PDE1C: variants seen among roughly 807,000 people sequenced by gnomAD.
The protein encoded by PDE1C is phosphodiesterase 1C.
In PDE1C, 62 loss-of-function variants were observed where a neutral mutation model predicts 93.1. The ratio of observed to expected loss-of-function variants is 0.67; its 90% confidence interval spans 0.54 to 0.82. PDE1C has a LOEUF of 0.82. PDE1C is among the 40% of genes least tolerant of loss of function. The probability of loss-of-function intolerance (pLI) is 0.00; values close to 1 mark genes in which losing one functional copy is unlikely to be tolerated. For synonymous variants in PDE1C, 325 were observed against 310.1 expected, an observed-to-expected ratio of 1.05 and a Z score of -0.50; for missense variants, 742 against 884.6, an observed-to-expected ratio of 0.84 and a Z score of 2.04.
At chr7:31,916,326 T>C (rs1264294418) in intron 2 of PDE1C, among the ~76,000 whole-genome samples, 2 of 152,180 alleles carry the variant, frequency 1.3e-5, no homozygotes, top group East Asian at 1.9e-4. Context: ...CTGTAAGTGA[T>C]TGTCAAATAA....
chr7:32,177,666 G>A (rs899254178), intron 2 of PDE1C, among the ~76,000 whole-genome samples: 4 of 152,010 alleles, frequency 2.6e-5, no homozygotes, highest in Non-Finnish European at 5.9e-5. Flanking sequence ...ACCCTGCCTC[G>A]CTCACTGCTT....
intron 1 of PDE1C, among the ~76,000 whole-genome samples, chr7:32,384,361 A>G (rs1263980847): frequency 6.6e-6 from 1 of 152,232 alleles, no homozygotes; most frequent in Non-Finnish European, 1.5e-5. Context: ...ATATTTTGAG[A>G]AAGTAAACAT....
In PDE1C at chr7:31,846,130, A is replaced by G. The variant is rs1449766028; in HGVS notation, c.980+1838T>C. Among the ~76,000 whole-genome samples, 4 of 152,106 alleles carry G rather than the reference A, an allele frequency of 2.6e-5. No homozygotes were observed. In the East Asian group the frequency reaches 7.7e-4, roughly 29 times the overall value. On this transcript the variant is annotated intron_variant, in intron 9 of 17. Transcript: ENST00000396191. ...CGTGTATAATCCTGGCTTCCTGACAATCTAGTAAAGTGTTCTAAAGCTTGC... is the reference window on the plus strand; with the variant it reads ...CGTGTATAATCCTGGCTTCCTGACAGTCTAGTAAAGTGTTCTAAAGCTTGC...
At chr7:31,649,198 T>C in the PDE1C span, among the ~76,000 whole-genome samples, 1 of 152,238 alleles carries the variant, frequency 6.6e-6, no homozygotes, top group African/African-American at 2.4e-5. Context: ...GTTTTCAATA[T>C]AAAAACATTA....
At chr7:32,332,918 C>T (rs991612061) in intron 1 of PDE1C, among the ~76,000 whole-genome samples, 1 of 152,074 alleles carries the variant, frequency 6.6e-6, no homozygotes, top group Admixed American at 6.6e-5. Context: ...GGAGGTTTCT[C>T]GGATGCCAAC....
intron 1 of PDE1C, among the ~76,000 whole-genome samples, chr7:32,349,787 A>G (rs34532910): frequency 0.17 from 25,479 of 151,782 alleles, 2,718 homozygotes; most frequent in South Asian, 0.44. Context: ...ATGCCACCAC[A>G]CCCAGCTAAT....
intron 2 of PDE1C, among the ~76,000 whole-genome samples, chr7:31,896,181 C>A (rs1799308876): frequency 6.6e-6 from 1 of 152,052 alleles, no homozygotes; most frequent in Admixed American, 6.6e-5. Flanking sequence ...TAGTGGCAGG[C>A]AGGGCATAGT....
chr7:31,684,014 G>A, the PDE1C span, among the ~76,000 whole-genome samples: 2 of 152,190 alleles, frequency 1.3e-5, no homozygotes, highest in Non-Finnish European at 2.9e-5. Context: ...TGGGAGCGCT[G>A]TAGGCTGAGG....
chr7:31,750,668 T>C (rs1390752011), downstream of PDE1C, among the ~76,000 whole-genome samples: 1 of 152,352 alleles, frequency 6.6e-6, no homozygotes, highest in Non-Finnish European at 1.5e-5. Context: ...CAAAAGGCAG[T>C]GTCAGGATTT....
intron 17 of PDE1C, among the ~76,000 whole-genome samples, chr7:31,769,506 T>C (rs746419305): frequency 9.2e-5 from 14 of 152,232 alleles, no homozygotes; most frequent in Non-Finnish European, 1.8e-4. Flanking sequence ...TGTTGAAATA[T>C]TGCTTTCCCA....
At chr7:31,779,685 G>T (rs1783255398) in intron 16 of PDE1C, among the ~76,000 whole-genome samples, 1 of 152,112 alleles carries the variant, frequency 6.6e-6, no homozygotes, top group South Asian at 2.1e-4. Flanking sequence ...AACTGGTTTT[G>T]ATTTTGCCAC....
intron 16 of PDE1C, among the ~76,000 whole-genome samples, chr7:31,794,025 TAGATAGATAGATAGATAGAC>T (rs1375713043): frequency 0.02 from 2,235 of 111,308 alleles, 33 homozygotes; most frequent in South Asian, 0.092. Context: ...GATAGATAGA[TAGATAGATAGATAGATAGAC>T]AGACAGACAG....
At chr7:31,629,718 G>A in the PDE1C span, among the ~76,000 whole-genome samples, 9 of 152,136 alleles carry the variant, frequency 5.9e-5, no homozygotes, top group Non-Finnish European at 1.0e-4. Flanking sequence ...TAGTGGAGGT[G>A]CATAGTTGTA....
intron 16 of PDE1C, among the ~76,000 whole-genome samples, chr7:31,803,405 A>C (rs548041174): frequency 0.011 from 1,676 of 149,930 alleles, 29 homozygotes; most frequent in African/African-American, 0.037. Flanking sequence ...TCTTTTTATT[A>C]TTATTATTAT....
the PDE1C span, among the ~76,000 whole-genome samples, chr7:31,680,287 G>T: frequency 6.6e-5 from 10 of 152,130 alleles, no homozygotes; most frequent in Non-Finnish European, 1.5e-5. Flanking sequence ...AATCAGCTTG[G>T]TTTTCATGAG....
intron 2 of PDE1C, among the ~76,000 whole-genome samples, chr7:31,890,328 C>T (rs914651396): frequency 1.3e-5 from 2 of 152,196 alleles, no homozygotes; most frequent in Non-Finnish European, 2.9e-5. Context: ...GCCACTTCAA[C>T]ATCTGTCTTA....
At chr7:31,926,359 G>T (rs1444870444) in intron 2 of PDE1C, among the ~76,000 whole-genome samples, 1 of 152,194 alleles carries the variant, frequency 6.6e-6, no homozygotes, top group Admixed American at 6.5e-5. Flanking sequence ...TCCTCACCCA[G>T]ATCCTAGCAC....
chr7:31,781,939 A>T (rs1019678511), intron 16 of PDE1C, among the ~76,000 whole-genome samples: 2 of 152,144 alleles, frequency 1.3e-5, no homozygotes, highest in Non-Finnish European at 2.9e-5. Flanking sequence ...TGTGCTTTGA[A>T]CTTGAATTGG....
At chr7:31,678,898 T>G in the PDE1C span, among the ~76,000 whole-genome samples, 2 of 152,142 alleles carry the variant, frequency 1.3e-5, no homozygotes, top group Non-Finnish European at 2.9e-5. Flanking sequence ...AAGTGAGCCT[T>G]GATTCTTGTT....
Sources: gnomAD v4.1 joint callset for allele counts (sites outside exome capture counted in the v4.1 genomes callset) on GRCh38, gnomAD v4.1.1 for gene constraint, MANE v1.5 for transcripts, NCBI Gene and HGNC (gene_info 2026-07-23, HGNC 2026-07-21) for gene names.